Variants in RBFOX3 observed in about 807,000 individuals in gnomAD.
The protein encoded by RBFOX3 is RNA binding fox-1 homolog 3, also known as RNA binding protein fox-1 homolog 3.
RBFOX3 carries 17 observed loss-of-function variants against 48.7 expected under a neutral mutation model. The ratio of observed to expected loss-of-function variants is 0.35; its 90% CI spans 0.24 to 0.52. The LOEUF (loss-of-function observed/expected upper bound fraction) is 0.52, where lower values mean the gene tolerates loss of function less well. RBFOX3 is among the 20% of genes least tolerant of loss of function. The pLI is 0.94. For missense variants in RBFOX3, 382 were observed against 497.5 expected (o/e 0.77, Z 2.21); for synonymous variants, 212 against 209.5 (o/e 1.01, Z -0.10).
rs138984353 is a variant in RBFOX3, at chr17:79,477,257, T to TA, written c.-175+5196dup. Among the ~76,000 whole-genome samples, 47,345 of 112,956 alleles carry TA rather than the reference T, an allele frequency of 0.42. 10,052 individuals carry two copies. The highest frequency in any genetic ancestry group is 0.46 in the Non-Finnish European group (26,558 of 57,936). The allele number at this position is 112,956 out of a possible 152,430, so 74.1% of individuals were successfully genotyped here. A position where few individuals can be genotyped will look rare whatever the true frequency, so the allele number is the denominator to read the frequency against. On this transcript the variant is annotated intron_variant, in intron 2 of 14. Coordinates refer to ENST00000693108, the MANE Select transcript of RBFOX3 (RefSeq NM_001350451.2). This position sits in a 1 kb window ranked among gnomAD's most constrained non-coding sequence, Gnocchi z 4.8. ...CAAAAAAAAATAAATAAAGATAAATTAAAAAAAAAAAAAAAAAAAGAGGGC... is the reference window on the plus strand; with the variant it reads ...CAAAAAAAAATAAATAAAGATAAATTAAAAAAAAAAAAAAAAAAAAGAGGGC...
At chr17:79,218,843 G>T (rs2612755) in intron 4 of RBFOX3, among the ~76,000 whole-genome samples, 2 of 152,044 alleles carry the variant, frequency 1.3e-5, no homozygotes, top group African/African-American at 2.4e-5. Flanking sequence ...GGAGCACCCG[G>T]GCACATCCTT....
intron 2 of RBFOX3, among the ~76,000 whole-genome samples, chr17:79,454,803 A>T (rs1473996198): frequency 6.6e-6 from 1 of 152,162 alleles, no homozygotes; most frequent in African/African-American, 2.4e-5. Context: ...TTGGAAGATG[A>T]CATGAGCTGA....
chr17:79,227,480 A>G (rs923655851), intron 4 of RBFOX3, among the ~76,000 whole-genome samples: 1 of 152,190 alleles, frequency 6.6e-6, no homozygotes, highest in East Asian at 1.9e-4. Context: ...TTGCATCTCA[A>G]GCATGTCATT....
intron 2 of RBFOX3, among the ~76,000 whole-genome samples, chr17:79,395,297 G>A (rs188206425): frequency 1.3e-5 from 2 of 152,366 alleles, no homozygotes; most frequent in East Asian, 3.9e-4. Flanking sequence ...CTGCCTGGGA[G>A]GACCCCTCCT....
At chr17:79,215,011 C>T (rs1490629264) in intron 4 of RBFOX3, among the ~76,000 whole-genome samples, 2 of 152,200 alleles carry the variant, frequency 1.3e-5, no homozygotes, top group African/African-American at 4.8e-5. Flanking sequence ...CACTCCTGCA[C>T]AAGACCCAGC....
chr17:79,293,446 TCCTTCCTTCCTTCCTTCCTTC>T lies in RBFOX3; in HGVS notation c.-74+14257_-74+14277del, dbSNP rs1476051568. On this transcript the variant is annotated intron_variant, in intron 3 of 14. Coordinates refer to ENST00000693108, the MANE Select transcript of RBFOX3 (RefSeq NM_001350451.2). ...TTCCTTCCTTCCTTCCTTCCTTCCTTCCTTCCTTCCTTCCTTCCTTCCCTTCCTTCCTGTCTCACTCTGTCT... is the reference window on the plus strand; with the variant it reads ...TTCCTTCCTTCCTTCCTTCCTTCCTTCCTTCCTTCCTGTCTCACTCTGTCT... Among the ~76,000 whole-genome samples the T allele has an allele frequency of 1.6e-4, 15 of 92,196 alleles. 2 individuals are homozygous for T. Among genetic ancestry groups the T allele is most frequent in the African/African-American group, 7.3e-4 (15 of 20,644 alleles). 60.5% of individuals were successfully genotyped at this position (92,196 alleles called of 152,430 possible).
chr17:79,580,418 C>G (rs1203999436), intron 1 of RBFOX3, among the ~76,000 whole-genome samples: 1 of 151,996 alleles, frequency 6.6e-6, no homozygotes, highest in Non-Finnish European at 1.5e-5. Context: ...ACCACAGCCC[C>G]CCAGCCAGAC....
the RBFOX3 span, among the ~76,000 whole-genome samples, chr17:79,627,878 C>T: frequency 6.6e-6 from 1 of 152,146 alleles, no homozygotes; most frequent in Admixed American, 6.5e-5. Context: ...GGAGGGCTTA[C>T]GTTCTCAAGA....
At chr17:79,642,747 G>A in the RBFOX3 span, among the ~76,000 whole-genome samples, 4 of 152,064 alleles carry the variant, frequency 2.6e-5, no homozygotes, top group African/African-American at 7.2e-5. Context: ...ACAAATGCAC[G>A]AGAAACAGAG....
intron 3 of RBFOX3, among the ~76,000 whole-genome samples, chr17:79,277,847 C>T (rs2069284040): frequency 6.6e-6 from 1 of 152,214 alleles, no homozygotes; most frequent in African/African-American, 2.4e-5. Context: ...TCCCCTTAGC[C>T]CCCTGCAGTC....
At chr17:79,131,516 G>A (rs571386049) in intron 4 of RBFOX3, among the ~76,000 whole-genome samples, 40 of 152,228 alleles carry the variant, frequency 2.6e-4, no homozygotes, top group African/African-American at 8.9e-4. Context: ...GTTAAGCGTC[G>A]CCACTCCGCT....
intron 1 of RBFOX3, among the ~76,000 whole-genome samples, chr17:79,527,546 C>T (rs2086967603): frequency 6.6e-6 from 1 of 152,294 alleles, no homozygotes; most frequent in Non-Finnish European, 1.5e-5. Flanking sequence ...ATTTTAGTGG[C>T]TGATCAGTGT....
chr17:79,475,670 G>A (rs907345627), intron 2 of RBFOX3, among the ~76,000 whole-genome samples: 9 of 152,256 alleles, frequency 5.9e-5, no homozygotes, highest in Admixed American at 2.0e-4. Context: ...ACATGCATGC[G>A]TGCACACATG....
intron 2 of RBFOX3, among the ~76,000 whole-genome samples, chr17:79,454,438 C>G (rs1324193186): frequency 1.3e-5 from 2 of 152,082 alleles, no homozygotes; most frequent in Non-Finnish European, 2.9e-5. Context: ...CCTCTCTCAT[C>G]CACCAACCTC....
Position 79,481,637 on chromosome 17 carries a change from G to A in RBFOX3, c.-175+817C>T, listed in dbSNP as rs1426873474. Among the ~76,000 whole-genome samples, 6 of 152,236 alleles carry A rather than the reference G, an allele frequency of 3.9e-5. No homozygotes were observed. Among genetic ancestry groups the A allele is most frequent in the South Asian group, 4.2e-4 (2 of 4,814 alleles). On this transcript the variant is annotated intron_variant, in intron 2 of 14. Transcript: ENST00000693108. This position sits in a 1 kb window ranked among gnomAD's most constrained non-coding sequence, Gnocchi z 5.4. ...TAGAGACAGCTCAGTCACGTGGCTC[G>A]GGGAGCTTGCGGTTGGTGAACTTGT...
intron 2 of RBFOX3, among the ~76,000 whole-genome samples, chr17:79,453,876 G>A (rs1555743127): frequency 6.6e-6 from 1 of 152,162 alleles, no homozygotes; most frequent in Admixed American, 6.5e-5. Context: ...GCAGAGGAGA[G>A]GAAAGGGGGC....
At chr17:79,244,757 CCTT>C (rs60766552) in intron 3 of RBFOX3, among the ~76,000 whole-genome samples, 47,268 of 138,374 alleles carry the variant, frequency 0.34, 8,684 homozygotes, top group Middle Eastern at 0.55. Context: ...TTCCTTCCTT[CCTT>C]TTCTTCCTTC....
rs1446916193 is a variant in RBFOX3 at position 79,423,904 on chromosome 17, A to C, written c.-175+58550T>G. 1 of 153,626 alleles carries C rather than the reference A, an allele frequency of 6.5e-6. No homozygotes were observed. Among genetic ancestry groups the C allele is most frequent in the Non-Finnish European group, 1.5e-5 (1 of 68,220 alleles). The allele number at this position is 153,626 out of a possible 1,614,324, so 9.5% of individuals were successfully genotyped here. ...GCCCTCAGCTCCCTGAGGCCTTTGCAGCCACTATGCCCTCTACACGGAATG... is the reference window on the plus strand; with the variant it reads ...GCCCTCAGCTCCCTGAGGCCTTTGCCGCCACTATGCCCTCTACACGGAATG... On this transcript the variant is annotated intron_variant, in intron 2 of 14. Coordinates refer to ENST00000693108, the MANE Select transcript of RBFOX3 (RefSeq NM_001350451.2). The surrounding 1 kb of genome is among the most constrained non-coding windows in gnomAD (Gnocchi z 4.9).
chr17:79,304,517 C>T (rs35657482), intron 3 of RBFOX3, among the ~76,000 whole-genome samples: 5,118 of 151,160 alleles, frequency 0.034, 165 homozygotes, highest in South Asian at 0.15. Flanking sequence ...AAAAAAAAAA[C>T]TGCTAGAAGA....
Sources: allele counts gnomAD v4.1 joint callset (sites outside exome capture counted in the v4.1 genomes callset), GRCh38; gene constraint gnomAD v4.1.1; non-coding constraint Gnocchi (gnomAD v3.1); transcripts MANE v1.5; gene names NCBI Gene and HGNC (gene_info 2026-07-23, HGNC 2026-07-21).